The following BCL7A variants were observed in gnomAD, a reference collection of about 807,000 sequenced individuals.
The protein encoded by BCL7A is BAF chromatin remodeling complex subunit BCL7A.
Under a neutral mutation model 28.4 loss-of-function variants are expected in BCL7A, and 11 were observed. The observed-to-expected ratio is 0.39, with a 90% CI of 0.24 to 0.64. The LOEUF is 0.64. BCL7A is among the 30% of genes least tolerant of loss of function. The pLI, the probability that BCL7A is intolerant of heterozygous loss-of-function variation, is 0.50. For synonymous variants in BCL7A, 123 were observed against 103.3 expected, an observed-to-expected ratio of 1.19 and a Z score of -1.15; for missense variants, 222 against 274.8, an observed-to-expected ratio of 0.81 and a Z score of 1.36.
At chr12:122,052,769 G>A (rs923128129) in intron 4 of BCL7A, among the ~76,000 whole-genome samples, 29 of 149,812 alleles carry the variant, frequency 1.9e-4, no homozygotes, top group African/African-American at 6.9e-4. Flanking sequence ...TGGAACCTCC[G>A]CCTCCTGGGT....
intron 1 of BCL7A, among the ~76,000 whole-genome samples, chr12:122,025,939 T>A: frequency 1.0e-5 from 1 of 98,092 alleles, no homozygotes; most frequent in Admixed American, 1.5e-4. Context: ...AGAGCAAGAC[T>A]CCATCTCAAA....
intron 1 of BCL7A, among the ~76,000 whole-genome samples, chr12:122,023,729 T>C (rs1327695868): frequency 6.6e-6 from 1 of 152,050 alleles, no homozygotes; most frequent in African/African-American, 2.4e-5. Flanking sequence ...TGGAGCCATT[T>C]AAAAATGGCA....
chr12:122,021,953 T>TGTGG lies in BCL7A; in HGVS notation c.-136_-135insGGTG. The TGTGG allele has an allele frequency of 6.7e-6, 4 of 596,148 alleles. No individual in the cohort carries two copies. Among genetic ancestry groups the TGTGG allele is most frequent in the Non-Finnish European group, 9.0e-6 (3 of 334,316 alleles). 36.9% of individuals were successfully genotyped at this position (596,148 alleles called of 1,614,324 possible). On this transcript the variant is annotated 5_prime_UTR_variant, in exon 1 of 6. It removes the in-frame stop codon of an upstream open reading frame in the 5' UTR. Coordinates refer to ENST00000261822, the MANE Select transcript of BCL7A (RefSeq NM_001024808.3). ...GTATGTGTGTGTGTGTGTGTGTGTGTGTGTGAGTGTGTGCGTGTGAGAGTG... is the reference window on the plus strand; with the variant it reads ...GTATGTGTGTGTGTGTGTGTGTGTGTGTGGGTGTGAGTGTGTGCGTGTGAGAGTG...
chr12:122,042,742 A>G (rs912998284), intron 3 of BCL7A, among the ~76,000 whole-genome samples: 2 of 152,010 alleles, frequency 1.3e-5, no homozygotes, highest in Non-Finnish European at 2.9e-5. Flanking sequence ...TCCCTGCCTC[A>G]TGACATTCAA....
intron 1 of BCL7A, among the ~76,000 whole-genome samples, chr12:122,023,245 T>G: frequency 6.6e-6 from 1 of 152,302 alleles, no homozygotes; most frequent in East Asian, 1.9e-4. Flanking sequence ...TCAACTTTAT[T>G]ATTTTTTTCC....
In BCL7A at chr12:122,059,272, C is replaced by T. The variant is rs1951900678; in HGVS notation, c.*109C>T. 4 of 1,019,626 alleles carry T rather than the reference C, an allele frequency of 3.9e-6. No homozygotes were observed. The highest frequency in any genetic ancestry group is 1.5e-5 in the South Asian group (1 of 67,282). The allele number at this position is 1,019,626 out of a possible 1,614,324, so 63.2% of individuals were successfully genotyped here. ...TCTTGGGTGCGAACAGAACTACTAA[C>T]GTTTCAAGTTTACCAAGTGCAAATC... On this transcript the variant is annotated 3_prime_UTR_variant, in exon 6 of 6. Transcript: ENST00000261822. This position sits in a 1 kb window ranked among gnomAD's most constrained non-coding sequence, Gnocchi z 4.0.
At chr12:122,036,928 C>G (rs1296805236) in intron 3 of BCL7A, among the ~76,000 whole-genome samples, 1 of 152,210 alleles carries the variant, frequency 6.6e-6, no homozygotes, top group East Asian at 1.9e-4. Flanking sequence ...AGGCTGGTCT[C>G]GAACTCCTGG....
chr12:122,022,978 G>C (rs1314929665), intron 1 of BCL7A, among the ~76,000 whole-genome samples: 1 of 152,158 alleles, frequency 6.6e-6, no homozygotes, highest in Non-Finnish European at 1.5e-5. Context: ...CTCCACACCG[G>C]GAGCTCGTGT....
At chr12:122,038,667 C>A (rs1883906873) in intron 3 of BCL7A, among the ~76,000 whole-genome samples, 1 of 152,100 alleles carries the variant, frequency 6.6e-6, no homozygotes, top group African/African-American at 2.4e-5. Flanking sequence ...ATTACAGACG[C>A]AGAATTACAC....
chr12:122,048,554 C>G (rs1431792365), intron 4 of BCL7A, among the ~76,000 whole-genome samples: 2 of 152,064 alleles, frequency 1.3e-5, no homozygotes, highest in Non-Finnish European at 2.9e-5. Context: ...AGCTCGAGAC[C>G]AGCCTGAGCA....
rs551579432 is a variant in BCL7A at position 122,052,881 on chromosome 12, G to A, written c.440-1924G>A. Among the ~76,000 whole-genome samples the A allele has an allele frequency of 1.7e-4, 20 of 118,216 alleles. 1 individual carries two copies. The highest frequency in any genetic ancestry group is 8.2e-4 in the East Asian group (3 of 3,668). The allele number at this position is 118,216 out of a possible 152,430, so 77.6% of individuals were successfully genotyped here. On this transcript the variant is annotated intron_variant, in intron 4 of 5. Coordinates refer to ENST00000261822, the MANE Select transcript of BCL7A (RefSeq NM_001024808.3). The stretch of plus-strand genomic sequence containing the variant: ...TATTTTTTTAGTCGGGGGGGGGGGG[G>A]GGTTTGCCATGTTGGCCAGGCTGGT...
intron 1 of BCL7A, among the ~76,000 whole-genome samples, chr12:122,023,308 G>C (rs1883518784): frequency 6.6e-6 from 1 of 152,230 alleles, no homozygotes; most frequent in African/African-American, 2.4e-5. Context: ...CGCTGGCTCT[G>C]AGTGTCAGCG....
chr12:122,048,441 T>C (rs958086979), intron 4 of BCL7A, among the ~76,000 whole-genome samples: 4 of 152,038 alleles, frequency 2.6e-5, no homozygotes, highest in Admixed American at 2.6e-4. Context: ...GTTGCTGTCT[T>C]GACCTGGTAT....
Position 122,021,955 on chromosome 12 carries a change from T to TGTGTGTGA in BCL7A, c.-134_-133insTGTGAGTG. The TGTGTGTGA allele has an allele frequency of 1.7e-6, 1 of 592,778 alleles. No homozygotes were observed. 36.7% of individuals were successfully genotyped at this position (592,778 alleles called of 1,614,324 possible). The stretch of plus-strand genomic sequence containing the variant: ...ATGTGTGTGTGTGTGTGTGTGTGTG[T>TGTGTGTGA]GTGAGTGTGTGCGTGTGAGAGTGCG... On this transcript the variant is annotated 5_prime_UTR_variant, in exon 1 of 6. An upstream open reading frame in the 5' UTR loses its in-frame stop. Transcript: ENST00000261822.
rs978630079 is a variant in BCL7A, at chr12:122,060,982, T to A, written c.*1819T>A. The A allele has an allele frequency of 3.5e-5, 8 of 226,560 alleles. No individual in the cohort carries two copies. The highest frequency in any genetic ancestry group is 7.0e-5 in the Non-Finnish European group (8 of 113,692). 14.0% of individuals were successfully genotyped at this position (226,560 alleles called of 1,614,324 possible). A position where few individuals can be genotyped will look rare whatever the true frequency, so the allele number is the denominator to read the frequency against. On this transcript the variant is annotated 3_prime_UTR_variant, in exon 6 of 6. Coordinates refer to ENST00000261822, the MANE Select transcript of BCL7A (RefSeq NM_001024808.3). ...GTCTTAAAAAAAAAAATCCTTGTAC[T>A]TATCAATTTTGCCCCTTAGGCAGTC...
intron 4 of BCL7A, among the ~76,000 whole-genome samples, chr12:122,053,078 G>C (rs576214739): frequency 6.6e-6 from 1 of 151,742 alleles, no homozygotes; most frequent in African/African-American, 2.4e-5. Context: ...TCCCAATCCA[G>C]GAGGTGGTCC....
rs75994366 is a variant in BCL7A at position 122,058,820 on chromosome 12, C to G, written c.562-272C>G. On this transcript the variant is annotated intron_variant, in intron 5 of 5. Transcript: ENST00000261822. ...CCAAGGCAGCAGTGTAGGAAATGCT[C>G]CCGAGTTACCAGCCATTGGCATGTG... 2.9e-3 allele frequency among the ~76,000 whole-genome samples: 449 copies of G among 152,220 alleles called. 2 individuals carry two copies. The highest frequency in any genetic ancestry group is 0.01 in the African/African-American group (423 of 41,540).
chr12:122,021,981 A>C lies in BCL7A; in HGVS notation c.-111A>C, dbSNP rs1193523409. On this transcript the variant is annotated 5_prime_UTR_variant, in exon 1 of 6. Coordinates refer to ENST00000261822, the MANE Select transcript of BCL7A (RefSeq NM_001024808.3). ...GTGAGTGTGTGCGTGTGAGAGTGCG[A>C]GTGTCTGTGCGCGAGTGAGTGAGCG... 1 of 763,024 alleles carries C rather than the reference A, an allele frequency of 1.3e-6. No individual in the cohort carries two copies. Among genetic ancestry groups the C allele is most frequent in the African/African-American group, 1.9e-5 (1 of 54,046 alleles). 47.3% of individuals were successfully genotyped at this position (763,024 alleles called of 1,614,324 possible).
At position 122,021,957 on chromosome 12, in the gene BCL7A, T is replaced by TGTGA. The variant is rs776212842; in HGVS notation, c.-134_-133insTGAG. Reference sequence around the variant, plus strand: ...GTGTGTGTGTGTGTGTGTGTGTGTGTGAGTGTGTGCGTGTGAGAGTGCGAG... The same window carrying TGTGA: ...GTGTGTGTGTGTGTGTGTGTGTGTGTGTGAGAGTGTGTGCGTGTGAGAGTGCGAG... On this transcript the variant is annotated 5_prime_UTR_variant, in exon 1 of 6. An upstream open reading frame in the 5' UTR loses its in-frame stop. Transcript: ENST00000261822. The TGTGA allele has an allele frequency of 0.02, 11,353 of 580,652 alleles. 322 individuals are homozygous for TGTGA. Among genetic ancestry groups the TGTGA allele is most frequent in the African/African-American group, 0.056 (2,872 of 50,954 alleles). The allele number at this position is 580,652 out of a possible 1,614,324, so 36.0% of individuals were successfully genotyped here.
Sources: gnomAD v4.1 joint callset for allele counts (sites outside exome capture counted in the v4.1 genomes callset) on GRCh38, gnomAD v4.1.1 for gene constraint, Gnocchi (gnomAD v3.1) non-coding constraint, MANE v1.5 for transcripts, NCBI Gene and HGNC (gene_info 2026-07-23, HGNC 2026-07-21) for gene names.